RPS6KL1: variants seen among roughly 807,000 people sequenced by gnomAD.
The protein encoded by RPS6KL1 is ribosomal protein S6 kinase like 1, also known as ribosomal protein S6 kinase-like 1.
In RPS6KL1, 41 loss-of-function variants were observed where a neutral mutation model predicts 57.0. The observed-to-expected ratio is 0.72, with a 90% CI of 0.56 to 0.93. RPS6KL1 has a LOEUF of 0.93. Ranked by LOEUF, RPS6KL1 falls within the 40% of genes least tolerant of loss-of-function variation. RPS6KL1 has a pLI of 0.00. For missense variants in RPS6KL1, 697 were observed against 727.7 expected (o/e 0.96, Z 0.49); for synonymous variants, 287 against 309.7 (o/e 0.93, Z 0.77).
chr14:74,913,148 G>A (rs1357136558), intron 5 of RPS6KL1, among the ~76,000 whole-genome samples: 2 of 152,252 alleles, frequency 1.3e-5, no homozygotes, highest in South Asian at 2.1e-4. Context: ...CAGGGTAGGG[G>A]AAGGGGCACT....
intron 10 of RPS6KL1, 124 bp downstream of exon 10, chr14:74,908,726 G>A (rs1351174892): frequency 1.5e-5 from 12 of 811,908 alleles, no homozygotes; most frequent in African/African-American, 1.3e-4. Context: ...CCCTGGCTTC[G>A]GGGGCAGTTG....
At chr14:74,921,238 T>TTGCCCCCCCCCCCCCCCCC in intron 3 of RPS6KL1, 39 bp downstream of exon 3, 4 of 840,166 alleles carry the variant, frequency 4.8e-6, no homozygotes, top group Non-Finnish European at 2.0e-6. Context: ...CACTGGCCCT[T>TTGCCCCCCCCCCCCCCCCC]CCCCACCCAC....
At chr14:74,909,516 C>T in intron 8 of RPS6KL1, 27 bp downstream of exon 8, 1 of 1,561,706 alleles carries the variant, frequency 6.4e-7, no homozygotes, top group Non-Finnish European at 8.7e-7. Flanking sequence ...GGGGGCCACC[C>T]CACTGAGGGG....
chr14:74,907,627 T>C (rs1885148239), intron 10 of RPS6KL1, 97 bp from the exon 11 acceptor site: 4 of 1,116,084 alleles, frequency 3.6e-6, no homozygotes, highest in Non-Finnish European at 5.1e-6. Context: ...TCACAGCCCA[T>C]GAGGAGGATG....
In RPS6KL1 at chr14:74,907,447, A is replaced by G; in HGVS notation, c.1527T>C (p.Ser509=). 2 of 1,581,062 alleles carry G rather than the reference A, an allele frequency of 1.3e-6. No homozygotes were observed. Among genetic ancestry groups the G allele is most frequent in the Non-Finnish European group, 1.7e-6 (2 of 1,163,788 alleles). The change falls in exon 11 of 12, where the codon TCT becomes TCC. Residue 509 remains serine, a synonymous_variant. Coordinates refer to ENST00000557413, the MANE Select transcript of RPS6KL1 (RefSeq NM_031464.5). The part of the protein sequence containing the change: ...LPEWLSRPAA[S]LLTELLQFEP... ...GGCTACACCTCACCTCAGTCAGCAG[A>G]GAGGCCGCTGGGCGACTGAGCCACT...
Position 74,921,411 on chromosome 14 carries a change from A to G in RPS6KL1, c.131T>C (p.Met44Thr). The change falls in exon 3 of 12, where the codon ATG (methionine) becomes ACG (threonine). Residue 44 changes from methionine (M) to threonine (T), a missense_variant. Coordinates refer to ENST00000557413, the MANE Select transcript of RPS6KL1 (RefSeq NM_031464.5). ...RNRVALGVPDMTKRDYLVDAA... is the reference protein window; with the variant it reads ...RNRVALGVPDTTKRDYLVDAA... ...ATCCACCAGATAGTCACGTTTTGTCATGTCAGGCACTCCCAGAGCCACCCT... is the reference window on the plus strand; with the variant it reads ...ATCCACCAGATAGTCACGTTTTGTCGTGTCAGGCACTCCCAGAGCCACCCT... 6.2e-7 allele frequency: 1 copy of G among 1,614,238 alleles called. No homozygotes were observed. The highest frequency in any genetic ancestry group is 1.7e-5 in the Admixed American group (1 of 60,034).
chr14:74,906,879 C>T lies in RPS6KL1; in HGVS notation c.*135G>A. 1 of 807,118 alleles carries T rather than the reference C, an allele frequency of 1.2e-6. No individual in the cohort carries two copies. Among genetic ancestry groups the T allele is most frequent in the Non-Finnish European group, 2.2e-6 (1 of 448,758 alleles). The allele number at this position is 807,118 out of a possible 1,614,324, so 50.0% of individuals were successfully genotyped here. A position where few individuals can be genotyped will look rare whatever the true frequency, so the allele number is the denominator to read the frequency against. ...CATAATTCTGAGGCCCCAGTGGGAG[C>T]CCAGCAGGACAGACAGTGCCCTCCA... On this transcript the variant is annotated 3_prime_UTR_variant, in exon 12 of 12. Transcript: ENST00000557413.
At position 74,921,335 on chromosome 14, in the gene RPS6KL1, A is replaced by G. The variant is rs751131369; in HGVS notation, c.207T>C (p.Tyr69=). Residue 69 remains tyrosine (Y), a synonymous_variant, in exon 3 of 12, where the codon TAT becomes TAC. Coordinates refer to ENST00000557413, the MANE Select transcript of RPS6KL1 (RefSeq NM_031464.5). ...TCTGATAGTGGTTGAAGGCCGCCTC[A>G]TAGTCCTCACTAACATCGCGCTCCA... ...LALERDVSED[Y]EAAFNHYQNG... is the part of the protein sequence containing the mutation. 6.2e-7 allele frequency: 1 copy of G among 1,613,784 alleles called. No homozygotes were observed. Among genetic ancestry groups the G allele is most frequent in the African/African-American group, 1.3e-5 (1 of 74,866 alleles).
Position 74,906,768 on chromosome 14 carries a change from T to G in RPS6KL1, c.*246A>C. The G allele has an allele frequency of 1.5e-6, 1 of 667,024 alleles. No homozygotes were observed. Among genetic ancestry groups the G allele is most frequent in the South Asian group, 1.5e-5 (1 of 67,250 alleles). 41.3% of individuals were successfully genotyped at this position (667,024 alleles called of 1,614,324 possible). ...CTCAACGGGTCTGTTGACTGATGGG[T>G]AGATGGTTCAAGCTGCTTAGCAGGG... On this transcript the variant is annotated 3_prime_UTR_variant, in exon 12 of 12. Coordinates refer to ENST00000557413, the MANE Select transcript of RPS6KL1 (RefSeq NM_031464.5).
intron 8 of RPS6KL1, 90 bp from the exon 9 acceptor site, chr14:74,909,280 G>A (rs760321228): frequency 3.5e-5 from 45 of 1,302,004 alleles, no homozygotes; most frequent in Non-Finnish European, 4.4e-5. Context: ...ACAGTCATGC[G>A]GTAGGAGCCA....
chr14:74,917,164 C>T (rs1398528005), intron 5 of RPS6KL1, among the ~76,000 whole-genome samples: 1 of 152,250 alleles, frequency 6.6e-6, no homozygotes, highest in Non-Finnish European at 1.5e-5. Context: ...CCAGCTCACT[C>T]CTGTCACTTG....
In RPS6KL1 at chr14:74,921,416, A is replaced by G; in HGVS notation, c.126T>C (p.Pro42=). The G allele has an allele frequency of 6.2e-7, 1 of 1,614,240 alleles. No individual in the cohort carries two copies. The highest frequency in any genetic ancestry group is 8.5e-7 in the Non-Finnish European group (1 of 1,180,040). ...CCAGATAGTCACGTTTTGTCATGTC[A>G]GGCACTCCCAGAGCCACCCTGTTGC... ...QIRNRVALGV[P]DMTKRDYLVD... is the part of the protein sequence containing the mutation. Residue 42 remains proline (P), a synonymous_variant, in exon 3 of 12, where the codon CCT becomes CCC. Transcript: ENST00000557413.
intron 5 of RPS6KL1, among the ~76,000 whole-genome samples, chr14:74,914,642 A>G (rs562546258): frequency 2.1e-4 from 32 of 152,220 alleles, no homozygotes; most frequent in Admixed American, 3.9e-4. Flanking sequence ...CATTCATCCA[A>G]CCAAACAAGA....
At chr14:74,922,659 G>A (rs905567569) in intron 1 of RPS6KL1, among the ~76,000 whole-genome samples, 174 bp from the exon 2 acceptor site, 2 of 152,202 alleles carry the variant, frequency 1.3e-5, no homozygotes, top group African/African-American at 2.4e-5. Flanking sequence ...AGCAATGTGT[G>A]ACCCAGGCGG....
chr14:74,910,103 T>C lies in RPS6KL1; in HGVS notation c.710A>G (p.His237Arg). ...SHLLSQAHSR[H>R]SGLSSGSTQE... ...GGTAGAGCCAGAGCTGAGCCCAGAA[T>C]GTCGGGAGTGCGCCTGGGAGAGCAG... The change falls in exon 8 of 12, where the codon CAT (histidine) becomes CGT (arginine). Residue 237 changes from histidine (H) to arginine (R), a missense_variant. Physicochemically the swap from His to Arg is conservative, Grantham distance 29. Coordinates refer to ENST00000557413, the MANE Select transcript of RPS6KL1 (RefSeq NM_031464.5). The C allele has an allele frequency of 1.9e-6, 3 of 1,583,172 alleles. No homozygotes were observed. The highest frequency in any genetic ancestry group is 2.6e-6 in the Non-Finnish European group (3 of 1,165,236).
chr14:74,921,778 T>TC (rs1491113104), intron 2 of RPS6KL1, 200 bp downstream of exon 2: 3 of 455,560 alleles, frequency 6.6e-6, no homozygotes, highest in African/African-American at 2.3e-4. Context: ...TTTTCTTTTC[T>TC]TTTTTTTTTT....
intron 5 of RPS6KL1, among the ~76,000 whole-genome samples, chr14:74,916,512 G>A (rs1255725263): frequency 6.6e-5 from 10 of 152,160 alleles, no homozygotes; most frequent in Admixed American, 6.5e-4. Flanking sequence ...GCAACACAGC[G>A]AGATCTCTCT....
chr14:74,919,537 A>T (rs1320498205), intron 4 of RPS6KL1, among the ~76,000 whole-genome samples: 1 of 152,182 alleles, frequency 6.6e-6, no homozygotes, highest in Non-Finnish European at 1.5e-5. Flanking sequence ...TAAGCGTGTA[A>T]ATTGAACGGT....
intron 6 of RPS6KL1, 126 bp from the exon 7 acceptor site, chr14:74,911,506 G>T: frequency 3.6e-6 from 4 of 1,115,970 alleles, no homozygotes; most frequent in South Asian, 2.9e-5. Flanking sequence ...CTCAGTTCCT[G>T]ACCTGTCCTT....
Sources: gnomAD v4.1 joint callset for allele counts (sites outside exome capture counted in the v4.1 genomes callset) on GRCh38, gnomAD v4.1.1 for gene constraint, MANE v1.5 for transcripts, NCBI Gene and HGNC (gene_info 2026-07-23, HGNC 2026-07-21) for gene names.